The following APBA1 variants were observed in gnomAD, a reference collection of about 807,000 sequenced individuals.
The protein encoded by APBA1 is amyloid-beta A4 precursor protein-binding family A member 1.
In APBA1, 55 loss-of-function variants were observed where a neutral mutation model predicts 86.6. The observed-to-expected ratio is 0.64, with a 90% CI of 0.51 to 0.80. The LOEUF (loss-of-function observed/expected upper bound fraction) is 0.80, where lower values mean the gene tolerates loss of function less well. Ranked by LOEUF, APBA1 falls within the 30% of genes least tolerant of loss-of-function variation. The pLI is 0.00. For synonymous variants in APBA1, 511 were observed against 493.9 expected (o/e 1.03, Z -0.46); for missense variants, 1,090 against 1,183.0 (o/e 0.92, Z 1.15).
At chr9:69,534,907 A>G in intron 1 of APBA1, among the ~76,000 whole-genome samples, 1 of 152,092 alleles carries the variant, frequency 6.6e-6, no homozygotes, top group East Asian at 1.9e-4. Flanking sequence ...ATGTTTAATA[A>G]TTATATTTTT....
chr9:69,452,055 G>T (rs1358746961), intron 9 of APBA1, 67 bp downstream of exon 9: 1 of 1,464,764 alleles, frequency 6.8e-7, no homozygotes, highest in South Asian at 1.2e-5. Flanking sequence ...CCGCGGCAGG[G>T]TGCCCCACTT....
At chr9:69,432,500 C>CCCTCAGCACCACCCTCAGCCCCGGA in intron 12 of APBA1, 36 bp downstream of exon 12, 1 of 1,462,642 alleles carries the variant, frequency 6.8e-7, no homozygotes, top group Non-Finnish European at 9.1e-7. Context: ...CCAGACGCGG[C>CCCTCAGCACCACCCTCAGCCCCGGA]CCTCAGCACC....
At chr9:69,658,306 C>CTTTCTT (rs771668340) in intron 1 of APBA1, among the ~76,000 whole-genome samples, 1 of 70,856 alleles carries the variant, frequency 1.4e-5, no homozygotes, top group Non-Finnish European at 3.4e-5. Context: ...CTCTCTCTCT[C>CTTTCTT]TTTCTTTCTT....
chr9:69,618,346 C>T (rs542547616), intron 1 of APBA1, among the ~76,000 whole-genome samples: 3 of 152,188 alleles, frequency 2.0e-5, no homozygotes, highest in African/African-American at 7.2e-5. Flanking sequence ...ATTTAATTCA[C>T]TCAACATTTA....
At chr9:69,533,552 C>T (rs1194971394) in intron 1 of APBA1, among the ~76,000 whole-genome samples, 2 of 152,016 alleles carry the variant, frequency 1.3e-5, no homozygotes, top group African/African-American at 2.4e-5. Flanking sequence ...TTTCTCACCA[C>T]ATTTCAGGTT....
At chr9:69,541,714 A>G (rs1836617178) in intron 1 of APBA1, among the ~76,000 whole-genome samples, 1 of 152,154 alleles carries the variant, frequency 6.6e-6, no homozygotes, top group Non-Finnish European at 1.5e-5. Flanking sequence ...TTAGTAATAA[A>G]AACCTAGGAA....
chr9:69,666,363 A>C (rs1823839724), intron 1 of APBA1, among the ~76,000 whole-genome samples: 1 of 152,112 alleles, frequency 6.6e-6, no homozygotes, highest in African/African-American at 2.4e-5. Context: ...GTCTTCCCTG[A>C]CCATACTATA....
chr9:69,532,085 A>G (rs188714217), intron 1 of APBA1, among the ~76,000 whole-genome samples: 2 of 142,728 alleles, frequency 1.4e-5, no homozygotes, highest in Non-Finnish European at 3.1e-5. Flanking sequence ...ACTTCAGGTG[A>G]TAATGGTTTA....
At chr9:69,495,816 G>C (rs934704045) in intron 2 of APBA1, among the ~76,000 whole-genome samples, 4 of 152,076 alleles carry the variant, frequency 2.6e-5, no homozygotes, top group Admixed American at 6.5e-5. Flanking sequence ...GGCTCTCTCA[G>C]GACCTGCATC....
intron 8 of APBA1, among the ~76,000 whole-genome samples, chr9:69,453,280 G>A (rs904943350): frequency 1.3e-5 from 2 of 152,146 alleles, no homozygotes; most frequent in African/African-American, 4.8e-5. Flanking sequence ...TGTAGAAAGG[G>A]AGGGTTGGGT....
At chr9:69,601,399 T>C (rs1588387776) in intron 1 of APBA1, among the ~76,000 whole-genome samples, 1 of 152,344 alleles carries the variant, frequency 6.6e-6, no homozygotes, top group East Asian at 1.9e-4. Context: ...TTTTTAGAAG[T>C]CTACATGAAC....
intron 1 of APBA1, among the ~76,000 whole-genome samples, chr9:69,601,531 C>A (rs1180570231): frequency 6.6e-6 from 1 of 152,186 alleles, no homozygotes; most frequent in Non-Finnish European, 1.5e-5. Context: ...TCTGACAAAT[C>A]CTTGCAGATT....
intron 5 of APBA1, among the ~76,000 whole-genome samples, chr9:69,460,411 C>A (rs150509130): frequency 1.8e-3 from 280 of 152,294 alleles, no homozygotes; most frequent in African/African-American, 6.3e-3. Flanking sequence ...CGTGTGGAAC[C>A]CCAGAGTCTG....
At chr9:69,554,075 G>C (rs1836826312) in intron 1 of APBA1, among the ~76,000 whole-genome samples, 2 of 152,118 alleles carry the variant, frequency 1.3e-5, no homozygotes, top group African/African-American at 4.8e-5. Context: ...TAAGCCCCTA[G>C]TATATCATGT....
intron 1 of APBA1, among the ~76,000 whole-genome samples, chr9:69,536,591 G>A (rs1836514343): frequency 6.6e-6 from 1 of 151,262 alleles, no homozygotes; most frequent in African/African-American, 2.4e-5. Context: ...CATAGGCTGG[G>A]TGCAGTAGCT....
intron 1 of APBA1, among the ~76,000 whole-genome samples, chr9:69,666,729 A>T (rs1206345409): frequency 6.6e-6 from 1 of 152,204 alleles, no homozygotes; most frequent in African/African-American, 2.4e-5. Flanking sequence ...GTTCACAATC[A>T]TTTTGTGAAA....
intron 2 of APBA1, among the ~76,000 whole-genome samples, chr9:69,483,596 CA>C (rs1368086483): frequency 5.3e-5 from 8 of 152,164 alleles, no homozygotes; most frequent in South Asian, 4.2e-4. Flanking sequence ...CACAAATGAA[CA>C]GAAAGATAAT....
chr9:69,568,469 T>A (rs370714757), intron 1 of APBA1, among the ~76,000 whole-genome samples: 1 of 152,226 alleles, frequency 6.6e-6, no homozygotes. Flanking sequence ...CCAGAATGCA[T>A]GCATTATATC....
chr9:69,506,546 C>T (rs952193295), intron 2 of APBA1, among the ~76,000 whole-genome samples: 5 of 38,110 alleles, frequency 1.3e-4, no homozygotes, highest in African/African-American at 4.7e-4. Flanking sequence ...CCTGGAAGCT[C>T]GAACTGGGTG....
Sources: gnomAD v4.1 joint callset for allele counts (sites outside exome capture counted in the v4.1 genomes callset) on GRCh38, gnomAD v4.1.1 for gene constraint, MANE v1.5 for transcripts, NCBI Gene and HGNC (gene_info 2026-07-23, HGNC 2026-07-21) for gene names.